SNX10: variants seen among roughly 807,000 people sequenced by gnomAD.
SNX10 encodes the protein sorting nexin-10.
In SNX10, 25 loss-of-function variants were observed where a neutral mutation model predicts 28.5. The ratio of observed to expected loss-of-function variants is 0.88; its 90% CI spans 0.64 to 1.22. The LOEUF (loss-of-function observed/expected upper bound fraction) is 1.22. SNX10 is among the 50% of genes most tolerant of loss of function. The probability of loss-of-function intolerance (pLI) is 0.00; values close to 1 mark genes in which losing one functional copy is unlikely to be tolerated. For missense variants in SNX10, 223 were observed against 242.6 expected (o/e 0.92, Z 0.54); for synonymous variants, 62 against 81.4 (o/e 0.76, Z 1.28).
chr7:26,305,693 G>A (rs1055589746), intron 1 of SNX10, among the ~76,000 whole-genome samples: 1 of 152,180 alleles, frequency 6.6e-6, no homozygotes, highest in Admixed American at 6.5e-5. Flanking sequence ...GACGCAGACC[G>A]GATGCTGCGA....
intron 1 of SNX10, among the ~76,000 whole-genome samples, chr7:26,295,232 T>G (rs764459823): frequency 6.6e-6 from 1 of 152,178 alleles, no homozygotes; most frequent in Non-Finnish European, 1.5e-5. Context: ...ACTTTTTTTT[T>G]TGATACTTTT....
intron 5 of SNX10, among the ~76,000 whole-genome samples, chr7:26,366,491 G>T (rs528771175): frequency 6.6e-6 from 1 of 152,276 alleles, no homozygotes; most frequent in East Asian, 1.9e-4. Flanking sequence ...TGTATTTTTG[G>T]GGGGTATCAC....
intron 1 of SNX10, among the ~76,000 whole-genome samples, chr7:26,307,118 G>A (rs554003794): frequency 2.0e-5 from 3 of 152,278 alleles, no homozygotes; most frequent in Non-Finnish European, 4.4e-5. Flanking sequence ...AGTGAGTTGC[G>A]ATGCTTTTCC....
In SNX10 at chr7:26,364,479, C is replaced by A; in HGVS notation, c.112-56C>A. The A allele has an allele frequency of 6.5e-7, 1 of 1,545,824 alleles. No individual in the cohort carries two copies. ...GAGATCATATTGTGAATTATAGATACAAGAAATGCATTTTTTTCCTCAGGT... is the reference window on the plus strand; with the variant it reads ...GAGATCATATTGTGAATTATAGATAAAAGAAATGCATTTTTTTCCTCAGGT... On this transcript the variant is annotated intron_variant, in intron 3 of 6. Coordinates refer to ENST00000338523, the MANE Select transcript of SNX10 (RefSeq NM_013322.3). This position sits in a 1 kb window ranked among gnomAD's most constrained non-coding sequence, Gnocchi z 4.9.
Position 26,364,274 on chromosome 7 carries a change from G to T in SNX10, c.112-261G>T, listed in dbSNP as rs112086786. 1.2e-3 allele frequency: 1,281 copies of T among 1,071,912 alleles called. 2 individuals are homozygous for T. Among genetic ancestry groups the T allele is most frequent in the Non-Finnish European group, 1.4e-3 (1,169 of 864,870 alleles). The allele number at this position is 1,071,912 out of a possible 1,614,324, so 66.4% of individuals were successfully genotyped here. A position where few individuals can be genotyped will look rare whatever the true frequency, so the allele number is the denominator to read the frequency against. ...AGCAGTGCTCATAGGTGAGTAGGAG[G>T]CTCCTTCAGGATGCAGGGAGTGGCC... is the stretch of plus-strand genomic sequence containing the variant. On this transcript the variant is annotated intron_variant, in intron 3 of 6. Transcript: ENST00000338523. This position sits in a 1 kb window ranked among gnomAD's most constrained non-coding sequence, Gnocchi z 4.9.
intron 1 of SNX10, among the ~76,000 whole-genome samples, chr7:26,340,068 A>T (rs1269359675): frequency 6.6e-6 from 1 of 152,076 alleles, no homozygotes; most frequent in Non-Finnish European, 1.5e-5. Context: ...TTGAAAAAAT[A>T]TGTGATCCTT....
intron 1 of SNX10, among the ~76,000 whole-genome samples, chr7:26,342,028 CTT>C (rs35337348): frequency 2.9e-4 from 32 of 111,588 alleles, no homozygotes; most frequent in Admixed American, 3.0e-4. Context: ...TTTCTTCTTT[CTT>C]TTTTTTTTTT....
rs201030159 is a variant in SNX10, at chr7:26,364,563, C to T, written c.140C>T (p.Thr47Ile). Residue 47 changes from threonine (T) to isoleucine (I), a missense_variant, in exon 4 of 7, where the codon ACA (threonine) becomes ATA (isoleucine). Physicochemically the swap from Thr to Ile is moderately conservative, Grantham distance 89. Coordinates refer to ENST00000338523, the MANE Select transcript of SNX10 (RefSeq NM_013322.3). The surrounding 1 kb of genome is among the most constrained non-coding windows in gnomAD (Gnocchi z 4.9). Reference protein sequence around the residue: ...HTNSMCFTMKTSCVRRRYREF... With the variant: ...HTNSMCFTMKISCVRRRYREF... ...AATAGCATGTGTTTTACAATGAAAA[C>T]ATCCTGTGTACGAAGAAGATATAGA... 1 of 1,613,888 alleles carries T rather than the reference C, an allele frequency of 6.2e-7. No individual in the cohort carries two copies. The highest frequency in any genetic ancestry group is 2.2e-5 in the East Asian group (1 of 44,870).
chr7:26,359,955 C>A (rs1232448671), intron 2 of SNX10, among the ~76,000 whole-genome samples: 1 of 152,104 alleles, frequency 6.6e-6, no homozygotes, highest in South Asian at 2.1e-4. Flanking sequence ...TGCGCCCGGC[C>A]TATTGTTTTA....
intron 1 of SNX10, among the ~76,000 whole-genome samples, chr7:26,320,084 C>T (rs1787253279): frequency 1.3e-5 from 2 of 151,706 alleles, no homozygotes; most frequent in Admixed American, 6.6e-5. Context: ...CGGGTTCAAG[C>T]GATTCTTCTG....
chr7:26,315,228 T>G (rs1787028687), intron 1 of SNX10, among the ~76,000 whole-genome samples: 1 of 152,108 alleles, frequency 6.6e-6, no homozygotes, highest in Non-Finnish European at 1.5e-5. Context: ...TTTACAAGAG[T>G]TGAACCTAGG....
At chr7:26,311,412 A>G (rs1291655775) in intron 1 of SNX10, among the ~76,000 whole-genome samples, 1 of 152,254 alleles carries the variant, frequency 6.6e-6, no homozygotes, top group East Asian at 1.9e-4. Context: ...CGGCCTCCAA[A>G]AGTGCCACTG....
intron 5 of SNX10, among the ~76,000 whole-genome samples, chr7:26,367,443 G>A (rs1014149966): frequency 6.6e-6 from 1 of 152,170 alleles, no homozygotes; most frequent in Non-Finnish European, 1.5e-5. Flanking sequence ...TGTGGTATGT[G>A]AACATTTGTC....
intron 2 of SNX10, among the ~76,000 whole-genome samples, chr7:26,349,182 G>C (rs1788499628): frequency 6.6e-6 from 1 of 152,140 alleles, no homozygotes; most frequent in African/African-American, 2.4e-5. Context: ...AGTGAGTATG[G>C]AAGCACTTTT....
At chr7:26,333,531 AG>A (rs1262906440) in intron 1 of SNX10, among the ~76,000 whole-genome samples, 1 of 151,292 alleles carries the variant, frequency 6.6e-6, no homozygotes, top group Admixed American at 6.6e-5. Flanking sequence ...TCACCATGTT[AG>A]CTAGGATGGT....
intron 1 of SNX10, among the ~76,000 whole-genome samples, chr7:26,308,864 G>C (rs917653329): frequency 2.0e-5 from 3 of 152,046 alleles, no homozygotes; most frequent in Admixed American, 2.0e-4. Context: ...AGGTAGGTAG[G>C]GTCAGAATTG....
At chr7:26,356,247 A>T (rs1788812780) in intron 2 of SNX10, among the ~76,000 whole-genome samples, 1 of 152,212 alleles carries the variant, frequency 6.6e-6, no homozygotes, top group Admixed American at 6.5e-5. Flanking sequence ...AGGGACAGTT[A>T]GTCTAAATTT....
chr7:26,347,457 T>C (rs928305358), intron 2 of SNX10, among the ~76,000 whole-genome samples: 1 of 152,212 alleles, frequency 6.6e-6, no homozygotes, highest in African/African-American at 2.4e-5. Context: ...GGAGGATTGC[T>C]TGAGCCTGGG....
chr7:26,348,390 C>T (rs1461942648), intron 2 of SNX10, among the ~76,000 whole-genome samples: 1 of 152,230 alleles, frequency 6.6e-6, no homozygotes, highest in Non-Finnish European at 1.5e-5. Flanking sequence ...TCCTGAACCA[C>T]CTTCAAGTTT....
Sources: gnomAD v4.1 joint callset for allele counts (sites outside exome capture counted in the v4.1 genomes callset) on GRCh38, gnomAD v4.1.1 for gene constraint, Gnocchi (gnomAD v3.1) non-coding constraint, MANE v1.5 for transcripts, NCBI Gene and HGNC (gene_info 2026-07-23, HGNC 2026-07-21) for gene names.